ANK1: variants seen among roughly 807,000 people sequenced by gnomAD.
ANK1 encodes ankyrin-1.
Under a neutral mutation model 210.4 loss-of-function variants are expected in ANK1, and 51 were observed. The observed-to-expected ratio is 0.24, with a 90% CI of 0.19 to 0.31. The LOEUF (loss-of-function observed/expected upper bound fraction) is 0.31. ANK1 is among the 10% of genes least tolerant of loss of function. The probability of loss-of-function intolerance (pLI) is 1.00; values close to 1 mark genes in which losing one functional copy is unlikely to be tolerated. For missense variants in ANK1, 2,051 were observed against 2,504.4 expected (o/e 0.82, Z 3.86); for synonymous variants, 967 against 1,025.9 (o/e 0.94, Z 1.10).
rs1455481421 is a variant in ANK1 at position 41,797,072 on chromosome 8, T to A, written c.27+440A>T. On this transcript the variant is annotated intron_variant, in intron 1 of 42. Coordinates refer to ENST00000289734, the MANE Select transcript of ANK1 (RefSeq NM_000037.4). The surrounding 1 kb of genome is among the most constrained non-coding windows in gnomAD (Gnocchi z 4.0). ...TTTGAGAAAACAAGCCAAAGTCCCC[T>A]TCCAAATGACAGTGACAGCCCCCTA... Among the ~76,000 whole-genome samples the A allele has an allele frequency of 6.6e-6, 1 of 152,146 alleles. No individual in the cohort carries two copies. Among genetic ancestry groups the A allele is most frequent in the Non-Finnish European group, 1.5e-5 (1 of 68,008 alleles).
chr8:41,838,774 A>AAT (rs1474681904), intron 1 of ANK1, among the ~76,000 whole-genome samples: 1 of 148,822 alleles, frequency 6.7e-6, no homozygotes, highest in African/African-American at 2.5e-5. Flanking sequence ...CAAAAATAAT[A>AAT]ATAATAATAA....
At chr8:41,658,665 G>C (rs1309223472) in intron 42 of ANK1, among the ~76,000 whole-genome samples, 1 of 152,204 alleles carries the variant, frequency 6.6e-6, no homozygotes, top group East Asian at 1.9e-4. Flanking sequence ...GGCTGAGGAG[G>C]GCGGGTTGCT....
At chr8:41,668,858 C>T (rs893398116) in intron 38 of ANK1, among the ~76,000 whole-genome samples, 1 of 152,176 alleles carries the variant, frequency 6.6e-6, no homozygotes, top group African/African-American at 2.4e-5. Flanking sequence ...GCACTTGGCT[C>T]ACCCTAATGG....
intron 3 of ANK1, among the ~76,000 whole-genome samples, 199 bp from the exon 4 acceptor site, chr8:41,728,205 C>G (rs774469812): frequency 6.6e-6 from 1 of 152,132 alleles, no homozygotes; most frequent in Non-Finnish European, 1.5e-5. Flanking sequence ...GAAGATCCAG[C>G]CTGTTCTCTA....
intron 42 of ANK1, chr8:41,660,399 G>A (rs934210961): frequency 8.5e-6 from 4 of 469,612 alleles, no homozygotes; most frequent in Non-Finnish European, 1.3e-5. Context: ...GCTGCACTGG[G>A]GCCACCATGC....
In ANK1 at chr8:41,805,455, C is replaced by T. The variant is rs569173301; in HGVS notation, c.127-47318G>A. Among the ~76,000 whole-genome samples the T allele has an allele frequency of 2.6e-5, 4 of 152,124 alleles. No individual in the cohort carries two copies. In the East Asian group the frequency reaches 7.7e-4, roughly 29 times the overall value. ...AGAGACAGGATCTCACTATGTTGCC[C>T]AGGCTGGTCTTGAACTCGTGGGCTC... On this transcript the variant is annotated intron_variant, in intron 1 of 42. Transcript: ENST00000265709.
At position 41,672,680 on chromosome 8, in the gene ANK1, A is replaced by G; in HGVS notation, c.4770T>C (p.Ala1590=). 1 of 1,614,162 alleles carries G rather than the reference A, an allele frequency of 6.2e-7. No individual in the cohort carries two copies. The change falls in exon 38 of 43, where the codon GCT becomes GCC. Residue 1590 remains alanine (A), a synonymous_variant. Transcript: ENST00000289734. ...CGTGACCTGTGGCATCAGAGTCCTC[A>G]GCCTTGCTACACTCCAGAGAGGAGT... ...AEDSSLECSK[A]EDSDATGHEW... is the part of the protein sequence containing the mutation.
At chr8:41,683,432 G>A (rs962206594) in intron 37 of ANK1, among the ~76,000 whole-genome samples, 20 of 152,144 alleles carry the variant, frequency 1.3e-4, no homozygotes, top group Non-Finnish European at 2.2e-4. Context: ...TAGGGGCTCC[G>A]TGCCCAGGCC....
chr8:41,695,139 C>T (rs778718206), intron 27 of ANK1, 38 bp downstream of exon 27: 2 of 1,613,362 alleles, frequency 1.2e-6, no homozygotes, highest in Non-Finnish European at 1.7e-6. Flanking sequence ...CCCTCTTCCG[C>T]AAGGAGGGGA....
intron 37 of ANK1, among the ~76,000 whole-genome samples, chr8:41,674,221 T>C (rs936564203): frequency 2.0e-5 from 3 of 152,224 alleles, no homozygotes; most frequent in African/African-American, 7.2e-5. Context: ...ATCCACTCAC[T>C]GTTCAACCAA....
chr8:41,734,107 C>A, intron 2 of ANK1, 38 bp from the exon 3 acceptor site: 1 of 1,568,408 alleles, frequency 6.4e-7, no homozygotes, highest in South Asian at 1.1e-5. Context: ...CATGGTTAGT[C>A]AAATGGTGCT....
rs537132593 is a variant in ANK1, at chr8:41,662,792, T to G, written c.5479-851A>C. Among the ~76,000 whole-genome samples the G allele has an allele frequency of 3.9e-5, 6 of 152,206 alleles. No individual in the cohort carries two copies. In the East Asian group the frequency reaches 1.2e-3, roughly 29 times the overall value. On this transcript the variant is annotated intron_variant, in intron 40 of 42. Transcript: ENST00000289734. The stretch of plus-strand genomic sequence containing the variant: ...AGAGCTGCGCCTAAGCAGAAGCACA[T>G]TCGAGATCCTGCCTCAGCTCCTCCT...
intron 1 of ANK1, among the ~76,000 whole-genome samples, chr8:41,850,068 C>A (rs577928534): frequency 2.0e-5 from 3 of 152,268 alleles, no homozygotes; most frequent in African/African-American, 7.2e-5. Flanking sequence ...GAGATCCTCA[C>A]CCTCCTGCCG....
intron 2 of ANK1, among the ~76,000 whole-genome samples, chr8:41,757,565 C>T (rs1839444058): frequency 6.6e-6 from 1 of 152,202 alleles, no homozygotes; most frequent in Non-Finnish European, 1.5e-5. Flanking sequence ...CCAGCCCCAC[C>T]ATCCTCAACC....
At chr8:41,813,949 A>G (rs1802885591) in intron 1 of ANK1, among the ~76,000 whole-genome samples, 1 of 152,260 alleles carries the variant, frequency 6.6e-6, no homozygotes, top group South Asian at 2.1e-4. Flanking sequence ...TGTCTGGCAT[A>G]TTATAAAATG....
intron 1 of ANK1, among the ~76,000 whole-genome samples, chr8:41,892,543 TAGTGTAGCAG>T (rs1819658616): frequency 2.0e-5 from 3 of 152,234 alleles, no homozygotes. Context: ...ACTTGACATT[TAGTGTAGCAG>T]AGACCCTGCA....
intron 1 of ANK1, among the ~76,000 whole-genome samples, chr8:41,789,921 G>C (rs1037529544): frequency 1.3e-5 from 2 of 152,182 alleles, no homozygotes; most frequent in Non-Finnish European, 2.9e-5. Context: ...AGAAAGGCAA[G>C]GGATAAAACC....
chr8:41,851,843 CA>C (rs1265221221), intron 1 of ANK1, among the ~76,000 whole-genome samples: 1 of 152,122 alleles, frequency 6.6e-6, no homozygotes, highest in Admixed American at 6.5e-5. Context: ...GTGACAGAGC[CA>C]GATCCTGTCT....
Position 41,758,021 on chromosome 8 carries a change from C to T in ANK1, c.129+15G>A. The T allele has an allele frequency of 6.2e-7, 1 of 1,609,670 alleles. No individual in the cohort carries two copies. Reference sequence around the variant, plus strand: ...TACTCTTCAGAGACAACAGGCCTGCCTCCATCCCACTTACCTGGTTACAGG... The same window carrying T: ...TACTCTTCAGAGACAACAGGCCTGCTTCCATCCCACTTACCTGGTTACAGG... On this transcript the variant is annotated intron_variant, in intron 2 of 42. Coordinates refer to ENST00000289734, the MANE Select transcript of ANK1 (RefSeq NM_000037.4).
Sources: gnomAD v4.1 joint callset for allele counts (sites outside exome capture counted in the v4.1 genomes callset) on GRCh38, gnomAD v4.1.1 for gene constraint, Gnocchi (gnomAD v3.1) non-coding constraint, MANE v1.5 for transcripts, NCBI Gene and HGNC (gene_info 2026-07-23, HGNC 2026-07-21) for gene names.